Variants in ARHGEF37 observed in about 807,000 individuals in gnomAD.
ARHGEF37 encodes Rho guanine nucleotide exchange factor 37.
ARHGEF37 carries 55 observed loss-of-function variants against 71.1 expected under a neutral mutation model. The observed-to-expected ratio is 0.77, with a 90% CI of 0.62 to 0.97. The LOEUF (loss-of-function observed/expected upper bound fraction) is 0.97. ARHGEF37 is among the 50% of genes least tolerant of loss of function. The probability of loss-of-function intolerance (pLI) is 0.00; values close to 1 mark genes in which losing one functional copy is unlikely to be tolerated. For synonymous variants in ARHGEF37, 327 were observed against 350.6 expected (o/e 0.93, Z 0.75); for missense variants, 765 against 836.8 (o/e 0.91, Z 1.06).
At chr5:149,604,898 G>A (rs936080391) in intron 3 of ARHGEF37, among the ~76,000 whole-genome samples, 5 of 151,550 alleles carry the variant, frequency 3.3e-5, no homozygotes, top group Admixed American at 2.6e-4. Context: ...GGCCAGGCTG[G>A]TTGCAAACTC....
At chr5:149,599,434 C>CTTACTTATTTATTTAT (rs144654314) in intron 2 of ARHGEF37, among the ~76,000 whole-genome samples, 12 of 147,814 alleles carry the variant, frequency 8.1e-5, no homozygotes, top group African/African-American at 2.8e-4. Context: ...CCAAGGCAAA[C>CTTACTTATTTATTTAT]TTATTTATTT....
chr5:149,559,068 A>G (rs1437277958), intron 1 of ARHGEF37, among the ~76,000 whole-genome samples: 1 of 152,154 alleles, frequency 6.6e-6, no homozygotes, highest in African/African-American at 2.4e-5. Context: ...CACGCCTGTA[A>G]TCCCAGCACT....
chr5:149,603,086 C>A (rs1014215035), intron 3 of ARHGEF37, among the ~76,000 whole-genome samples: 4 of 151,978 alleles, frequency 2.6e-5, no homozygotes, highest in Admixed American at 2.6e-4. Flanking sequence ...GCGCCCGCCA[C>A]CACACCCGGT....
chr5:149,620,645 T>C (rs1752512995), intron 8 of ARHGEF37, among the ~76,000 whole-genome samples, 181 bp downstream of exon 8: 1 of 151,564 alleles, frequency 6.6e-6, no homozygotes, highest in South Asian at 2.1e-4. Context: ...GCCTGGGCAA[T>C]ACGATGAAAC....
At chr5:149,588,300 T>C (rs2113280280) in intron 1 of ARHGEF37, among the ~76,000 whole-genome samples, 1 of 151,726 alleles carries the variant, frequency 6.6e-6, no homozygotes. Context: ...CTTAAGATAA[T>C]CCAAGTAAAA....
chr5:149,614,402 A>G (rs1305450994), intron 4 of ARHGEF37, among the ~76,000 whole-genome samples: 2 of 151,946 alleles, frequency 1.3e-5, no homozygotes, highest in Admixed American at 6.6e-5. Context: ...TCATCTTTCA[A>G]TTTCTGTTGC....
At chr5:149,616,439 T>C (rs2113360186) in intron 4 of ARHGEF37, 128 bp from the exon 5 acceptor site, 1 of 814,412 alleles carries the variant, frequency 1.2e-6, no homozygotes, top group Non-Finnish European at 1.9e-6. Flanking sequence ...AACTGGAGGA[T>C]CGCAGAGAGG....
chr5:149,600,342 A>G (rs561042770), intron 2 of ARHGEF37, among the ~76,000 whole-genome samples: 1 of 152,300 alleles, frequency 6.6e-6, no homozygotes, highest in East Asian at 1.9e-4. Flanking sequence ...TAGCTTTCCC[A>G]CTTGAATGTG....
chr5:149,629,458 G>A (rs11956913), intron 12 of ARHGEF37, among the ~76,000 whole-genome samples: 102,490 of 152,092 alleles, frequency 0.67, 34,924 homozygotes, highest in Middle Eastern at 0.88. Context: ...GCTGAGAAGA[G>A]TGGTGCTTTT....
At chr5:149,627,437 T>G (rs1470682991) in intron 11 of ARHGEF37, among the ~76,000 whole-genome samples, 166 bp downstream of exon 11, 1 of 151,982 alleles carries the variant, frequency 6.6e-6, no homozygotes, top group Non-Finnish European at 1.5e-5. Context: ...CAGTTTAGAG[T>G]GACTCCGTGG....
At chr5:149,625,137 T>C (rs1418245339) in intron 10 of ARHGEF37, among the ~76,000 whole-genome samples, 1 of 152,036 alleles carries the variant, frequency 6.6e-6, no homozygotes, top group East Asian at 1.9e-4. Flanking sequence ...CCCTCTGATC[T>C]CAAGTGATCC....
chr5:149,614,363 G>C (rs1752313338), intron 4 of ARHGEF37, among the ~76,000 whole-genome samples: 1 of 151,976 alleles, frequency 6.6e-6, no homozygotes, highest in South Asian at 2.1e-4. Flanking sequence ...ACAAAGACCT[G>C]TTTTTCCACA....
upstream of ARHGEF37, among the ~76,000 whole-genome samples, chr5:149,577,160 T>C (rs1414219170): frequency 6.6e-6 from 1 of 152,146 alleles, no homozygotes; most frequent in Non-Finnish European, 1.5e-5. Flanking sequence ...TACTTAATCT[T>C]TCTGAGCCTC....
At chr5:149,601,666 T>G (rs1763759504) in intron 3 of ARHGEF37, among the ~76,000 whole-genome samples, 1 of 152,198 alleles carries the variant, frequency 6.6e-6, no homozygotes, top group Non-Finnish European at 1.5e-5. Context: ...GGTAATAATT[T>G]GTAATTTAAA....
In ARHGEF37 at chr5:149,628,716, G is replaced by C. The variant is rs982389086; in HGVS notation, c.1661-93G>C. On this transcript the variant is annotated intron_variant, in intron 11 of 12. Transcript: ENST00000333677. The stretch of plus-strand genomic sequence containing the variant: ...TGGTTCTCTTGGGTGTTGAGAAGCT[G>C]TGTTGGAAACATTTATATCCATGGA... 24 of 1,450,060 alleles carry C rather than the reference G, an allele frequency of 1.7e-5. No homozygotes were observed. In the South Asian group the frequency reaches 3.4e-4, roughly 20 times the overall value. The allele number at this position is 1,450,060 out of a possible 1,614,324, so 89.8% of individuals were successfully genotyped here. A position where few individuals can be genotyped will look rare whatever the true frequency, so the allele number is the denominator to read the frequency against.
chr5:149,556,280 G>A (rs990568567), intron 1 of ARHGEF37, among the ~76,000 whole-genome samples: 6 of 152,156 alleles, frequency 3.9e-5, no homozygotes, highest in African/African-American at 1.4e-4. Flanking sequence ...TGCAACCTCC[G>A]CCTCCCGGGT....
At chr5:149,596,663 C>G (rs1763556093) in intron 1 of ARHGEF37, among the ~76,000 whole-genome samples, 1 of 152,042 alleles carries the variant, frequency 6.6e-6, no homozygotes, top group South Asian at 2.1e-4. Context: ...AAGAAAAGTG[C>G]AGCTGGTGGG....
chr5:149,603,890 C>T (rs1378912716), intron 3 of ARHGEF37, among the ~76,000 whole-genome samples: 1 of 152,144 alleles, frequency 6.6e-6, no homozygotes, highest in African/African-American at 2.4e-5. Flanking sequence ...GAGCTGAGAT[C>T]GTGCCAGTGT....
At chr5:149,576,607 G>A (rs145619771), upstream of ARHGEF37, among the ~76,000 whole-genome samples, 6 of 152,300 alleles carry the variant, frequency 3.9e-5, no homozygotes, top group African/African-American at 1.4e-4. Context: ...TGTGATAAAT[G>A]TGTGAGCCAC....
Sources: allele counts gnomAD v4.1 joint callset (sites outside exome capture counted in the v4.1 genomes callset), GRCh38; gene constraint gnomAD v4.1.1; transcripts MANE v1.5; gene names NCBI Gene and HGNC (gene_info 2026-07-23, HGNC 2026-07-21).